Variants in PDE1C observed in about 807,000 individuals in gnomAD.
PDE1C encodes the protein phosphodiesterase 1C, also known as dual specificity calcium/calmodulin-dependent 3',5'-cyclic nucleotide phosphodiesterase 1C.
In PDE1C, 62 loss-of-function variants were observed where a neutral mutation model predicts 93.1. The observed-to-expected ratio is 0.67, with a 90% confidence interval of 0.54 to 0.82. The LOEUF is 0.82. PDE1C is among the 40% of genes least tolerant of loss of function. The probability of loss-of-function intolerance (pLI) is 0.00; values close to 1 mark genes in which losing one functional copy is unlikely to be tolerated. For missense variants in PDE1C, 742 were observed against 884.6 expected, an observed-to-expected ratio of 0.84 and a Z score of 2.04; for synonymous variants, 325 against 310.1, an observed-to-expected ratio of 1.05 and a Z score of -0.50.
chr7:31,887,619 G>C (rs1171348175), intron 2 of PDE1C, among the ~76,000 whole-genome samples: 1 of 152,130 alleles, frequency 6.6e-6, no homozygotes, highest in Non-Finnish European at 1.5e-5. Flanking sequence ...GCATGGACCG[G>C]ACACTGCACT....
chr7:31,866,340 T>C (rs901458058), intron 6 of PDE1C, among the ~76,000 whole-genome samples: 19 of 152,260 alleles, frequency 1.2e-4, no homozygotes, highest in South Asian at 2.1e-4. Context: ...AGGTCAGAGA[T>C]GAATTCATTA....
intron 2 of PDE1C, among the ~76,000 whole-genome samples, chr7:31,983,251 C>T (rs1812623093): frequency 1.3e-5 from 2 of 152,188 alleles, no homozygotes; most frequent in Admixed American, 1.3e-4. Context: ...AATGCCTACA[C>T]ACTCCTTAGT....
chr7:31,995,178 T>C (rs1186325067), intron 2 of PDE1C, among the ~76,000 whole-genome samples: 1 of 152,196 alleles, frequency 6.6e-6, no homozygotes, highest in Non-Finnish European at 1.5e-5. Flanking sequence ...TTGTTTCCCC[T>C]GAGTACTTCC....
chr7:32,157,137 C>T (rs1359827972), intron 3 of PDE1C, among the ~76,000 whole-genome samples: 1 of 152,174 alleles, frequency 6.6e-6, no homozygotes, highest in Non-Finnish European at 1.5e-5. Flanking sequence ...ATGTCAGTGT[C>T]ATGAAAGGCA....
At chr7:32,214,217 G>GTA (rs34068716) in intron 1 of PDE1C, among the ~76,000 whole-genome samples, 21,979 of 150,730 alleles carry the variant, frequency 0.15, 1,591 homozygotes, top group East Asian at 0.22. Context: ...TAAAAAACAT[G>GTA]TATATATATA....
chr7:32,128,212 C>T (rs1283961468), intron 3 of PDE1C, among the ~76,000 whole-genome samples: 2 of 151,436 alleles, frequency 1.3e-5, no homozygotes, highest in Non-Finnish European at 3.0e-5. Flanking sequence ...CCAAAATAAA[C>T]ACCAGTGTAT....
At chr7:32,179,097 C>T (rs1803204130) in intron 2 of PDE1C, among the ~76,000 whole-genome samples, 1 of 152,158 alleles carries the variant, frequency 6.6e-6, no homozygotes, top group Admixed American at 6.5e-5. Flanking sequence ...TAATCCAAGG[C>T]TCTGTGTGAT....
At chr7:32,092,890 T>C (rs1797553997) in intron 3 of PDE1C, among the ~76,000 whole-genome samples, 1 of 151,900 alleles carries the variant, frequency 6.6e-6, no homozygotes, top group Non-Finnish European at 1.5e-5. Context: ...TTTTTTTTCC[T>C]AAGGAAAGTT....
At chr7:32,205,610 G>C (rs939097528) in intron 2 of PDE1C, among the ~76,000 whole-genome samples, 3 of 152,046 alleles carry the variant, frequency 2.0e-5, no homozygotes, top group African/African-American at 4.8e-5. Context: ...CAACCCCCCA[G>C]CCAACCCGTT....
At chr7:31,636,872 T>TC in the PDE1C span, among the ~76,000 whole-genome samples, 7 of 48,368 alleles carry the variant, frequency 1.4e-4, no homozygotes, top group Non-Finnish European at 2.0e-4. Context: ...ATGCTATCCC[T>TC]CCCCCCTCCC....
chr7:31,869,951 A>G (rs1795732996), intron 6 of PDE1C, among the ~76,000 whole-genome samples: 1 of 152,094 alleles, frequency 6.6e-6, no homozygotes, highest in Admixed American at 6.5e-5. Context: ...GAAATCAATA[A>G]CAAGAGGAAA....
At chr7:32,238,031 A>T (rs1003746994) in intron 1 of PDE1C, among the ~76,000 whole-genome samples, 20 of 152,014 alleles carry the variant, frequency 1.3e-4, no homozygotes, top group African/African-American at 4.8e-4. Flanking sequence ...CGGCCTCCCA[A>T]AGTGCTGGGA....
chr7:32,282,985 G>T (rs1279321200), intron 1 of PDE1C, among the ~76,000 whole-genome samples: 1 of 152,126 alleles, frequency 6.6e-6, no homozygotes, highest in Non-Finnish European at 1.5e-5. Context: ...ATTGCAAACT[G>T]GTAAGACATT....
At chr7:31,808,137 A>T (rs1787086758) in intron 16 of PDE1C, 20 of 443,212 alleles carry the variant, frequency 4.5e-5, no homozygotes, top group South Asian at 3.4e-4. Context: ...GTTCCAATTT[A>T]TTCTTACTCT....
At chr7:31,964,551 G>C (rs975551388) in intron 2 of PDE1C, among the ~76,000 whole-genome samples, 1 of 152,222 alleles carries the variant, frequency 6.6e-6, no homozygotes, top group Non-Finnish European at 1.5e-5. Context: ...ACAAACAAAA[G>C]GCAGAAGTAA....
intron 2 of PDE1C, among the ~76,000 whole-genome samples, chr7:31,964,864 C>T (rs569418760): frequency 1.6e-4 from 24 of 152,318 alleles, no homozygotes; most frequent in East Asian, 7.7e-4. Context: ...AGTGGACCTC[C>T]GGCAAACTCC....
At chr7:31,863,892 T>A (rs926120142) in intron 7 of PDE1C, among the ~76,000 whole-genome samples, 29 of 152,158 alleles carry the variant, frequency 1.9e-4, no homozygotes, top group Non-Finnish European at 5.9e-5. Context: ...AGCCACTGTA[T>A]CTAGCTCCAA....
chr7:32,145,553 T>C (rs961659148), intron 3 of PDE1C, among the ~76,000 whole-genome samples: 1 of 152,172 alleles, frequency 6.6e-6, no homozygotes, highest in Non-Finnish European at 1.5e-5. Context: ...TAAAATACAA[T>C]ACAGTAATTT....
chr7:31,873,513 A>G, intron 5 of PDE1C, 105 bp from the exon 6 acceptor site: 1 of 692,548 alleles, frequency 1.4e-6, no homozygotes, highest in South Asian at 1.8e-5. Context: ...TGGAGATTTC[A>G]CAGTGTGACA....
Sources: allele counts gnomAD v4.1 joint callset (sites outside exome capture counted in the v4.1 genomes callset), GRCh38; gene constraint gnomAD v4.1.1; transcripts MANE v1.5; gene names NCBI Gene and HGNC (gene_info 2026-07-23, HGNC 2026-07-21).